The following NRXN1 variants were observed in gnomAD, a reference collection of about 807,000 sequenced individuals.
The protein encoded by NRXN1 is neurexin 1.
Under a neutral mutation model 150.9 loss-of-function variants are expected in NRXN1, and 39 were observed. The observed-to-expected ratio is 0.26, with a 90% confidence interval of 0.20 to 0.34. The LOEUF (loss-of-function observed/expected upper bound fraction) is 0.34, where lower values mean the gene tolerates loss of function less well. Among genes scored for constraint, NRXN1 ranks in the 10% least tolerant of loss-of-function variants. NRXN1 has a pLI of 1.00. For missense variants in NRXN1, 1,815 were observed against 1,949.9 expected (o/e 0.93, Z 1.30); for synonymous variants, 924 against 757.0 (o/e 1.22, Z -3.62).
intron 17 of NRXN1, among the ~76,000 whole-genome samples, chr2:50,444,376 G>A (rs903491721): frequency 6.6e-6 from 1 of 152,134 alleles, no homozygotes; most frequent in Non-Finnish European, 1.5e-5. Flanking sequence ...CCTCTTGGAA[G>A]CTGAATAACC....
chr2:49,991,740 A>T (rs1682001565), intron 21 of NRXN1, among the ~76,000 whole-genome samples: 1 of 152,224 alleles, frequency 6.6e-6, no homozygotes, highest in Admixed American at 6.5e-5. Flanking sequence ...TGACAAACTG[A>T]TTCTAAAGTT....
chr2:50,665,847 A>G (rs1687947808), intron 5 of NRXN1, among the ~76,000 whole-genome samples: 1 of 151,994 alleles, frequency 6.6e-6, no homozygotes, highest in Non-Finnish European at 1.5e-5. Flanking sequence ...TCTTGGTTCA[A>G]TTAATTAAGT....
At chr2:50,729,051 T>A (rs1697756677) in intron 5 of NRXN1, among the ~76,000 whole-genome samples, 2 of 152,192 alleles carry the variant, frequency 1.3e-5, no homozygotes, top group African/African-American at 4.8e-5. Flanking sequence ...ACTAGTCATA[T>A]ATTAAATTTC....
At chr2:50,112,126 C>T (rs1702452773) in intron 18 of NRXN1, among the ~76,000 whole-genome samples, 1 of 152,086 alleles carries the variant, frequency 6.6e-6, no homozygotes, top group Admixed American at 6.5e-5. Context: ...AGATATCTCC[C>T]TGTACTTATT....
intron 2 of NRXN1, among the ~76,000 whole-genome samples, chr2:50,978,098 T>C (rs1696148036): frequency 6.6e-6 from 1 of 150,964 alleles, no homozygotes; most frequent in Admixed American, 6.6e-5. Flanking sequence ...CTATACATTT[T>C]AAATATTCTT....
intron 21 of NRXN1, among the ~76,000 whole-genome samples, chr2:49,997,348 T>C (rs941046695): frequency 6.6e-6 from 1 of 152,164 alleles, no homozygotes; most frequent in Non-Finnish European, 1.5e-5. Context: ...TATTTTGACA[T>C]AGGTTGCTGG....
chr2:50,777,824 T>C (rs972605939), intron 5 of NRXN1, among the ~76,000 whole-genome samples: 3 of 152,164 alleles, frequency 2.0e-5, no homozygotes, highest in African/African-American at 7.2e-5. Flanking sequence ...ATCAAATCCA[T>C]TCTGAGTCTA....
intron 17 of NRXN1, among the ~76,000 whole-genome samples, chr2:50,380,697 A>C (rs990651633): frequency 6.6e-6 from 1 of 152,110 alleles, no homozygotes; most frequent in African/African-American, 2.4e-5. Flanking sequence ...AATGATAGCA[A>C]TTTATAACTA....
chr2:50,042,685 C>A (rs1691182743), intron 21 of NRXN1, among the ~76,000 whole-genome samples: 1 of 9,804 alleles, frequency 1.0e-4, no homozygotes, highest in South Asian at 6.7e-3. Context: ...AGGTGCTGAG[C>A]ATACACACAT....
intron 18 of NRXN1, among the ~76,000 whole-genome samples, chr2:50,095,537 C>G (rs571689335): frequency 2.6e-5 from 4 of 151,996 alleles, no homozygotes; most frequent in Non-Finnish European, 5.9e-5. Context: ...TTAAGAAGGT[C>G]TAGATTCAGT....
chr2:50,258,882 T>C (rs2152907909), intron 17 of NRXN1, among the ~76,000 whole-genome samples: 1 of 152,150 alleles, frequency 6.6e-6, no homozygotes, highest in East Asian at 1.9e-4. Context: ...CAATGAGCAG[T>C]AATAATTTGA....
intron 5 of NRXN1, among the ~76,000 whole-genome samples, chr2:50,664,636 T>A (rs903056373): frequency 6.6e-6 from 1 of 151,906 alleles, no homozygotes; most frequent in Non-Finnish European, 1.5e-5. Flanking sequence ...TCCTTCACTG[T>A]CTGGGCATAG....
chr2:50,812,728 G>C (rs1483887365), intron 5 of NRXN1, among the ~76,000 whole-genome samples: 1 of 149,220 alleles, frequency 6.7e-6, no homozygotes, highest in African/African-American at 2.5e-5. Context: ...ATAAGAGTGT[G>C]TGTGTGTGTG....
intron 2 of NRXN1, among the ~76,000 whole-genome samples, chr2:50,982,638 T>C (rs1275095645): frequency 6.6e-6 from 1 of 152,132 alleles, no homozygotes; most frequent in Non-Finnish European, 1.5e-5. Flanking sequence ...TAAGGCACCA[T>C]TTGGCATAGC....
intron 17 of NRXN1, among the ~76,000 whole-genome samples, chr2:50,367,354 T>C (rs527688152): frequency 1.3e-3 from 192 of 152,170 alleles, no homozygotes; most frequent in African/African-American, 4.3e-3. Context: ...AGGTATCTGA[T>C]GTGGGCTTAT....
At chr2:50,728,046 T>A (rs566782194) in intron 5 of NRXN1, among the ~76,000 whole-genome samples, 3 of 152,260 alleles carry the variant, frequency 2.0e-5, no homozygotes, top group African/African-American at 7.2e-5. Flanking sequence ...TTTAACTCCC[T>A]TAAACTTAAT....
intron 17 of NRXN1, among the ~76,000 whole-genome samples, chr2:50,238,136 T>C (rs1480047390): frequency 1.3e-5 from 2 of 152,000 alleles, no homozygotes; most frequent in Non-Finnish European, 2.9e-5. Context: ...AGTGTGAAAA[T>C]GGACTAATAG....
Position 49,921,731 on chromosome 2 carries a change from T to A in NRXN1, c.*213A>T. On this transcript the variant is annotated 3_prime_UTR_variant, in exon 23 of 23. Transcript: ENST00000401669. ...AAAACACTGTGGATGTTAGGGAATT[T>A]ATTGGCCCCTGTTTTTTGTTTTTTG... The A allele has an allele frequency of 1.8e-6, 1 of 565,382 alleles. No individual in the cohort carries two copies. The highest frequency in any genetic ancestry group is 2.2e-5 in the South Asian group (1 of 44,568). The allele number at this position is 565,382 out of a possible 1,614,324, so 35.0% of individuals were successfully genotyped here. A position where few individuals can be genotyped will look rare whatever the true frequency, so the allele number is the denominator to read the frequency against.
At chr2:50,972,839 T>A (rs993422726) in intron 2 of NRXN1, among the ~76,000 whole-genome samples, 10 of 152,192 alleles carry the variant, frequency 6.6e-5, no homozygotes, top group African/African-American at 2.2e-4. Context: ...TGTAAATACC[T>A]GGTTCTCTGG....
Sources: allele counts gnomAD v4.1 joint callset (sites outside exome capture counted in the v4.1 genomes callset), GRCh38; gene constraint gnomAD v4.1.1; transcripts MANE v1.5; gene names NCBI Gene and HGNC (gene_info 2026-07-23, HGNC 2026-07-21).